The following GYS2 variants were observed in gnomAD, a reference collection of about 807,000 sequenced individuals.
GYS2 encodes glycogen synthase 2, also known as glycogen [starch] synthase, liver.
In GYS2, 80 loss-of-function variants were observed where a neutral mutation model predicts 85.6. The observed-to-expected ratio is 0.93, with a 90% CI of 0.78 to 1.13. GYS2 has a LOEUF of 1.13. Ranked by LOEUF, GYS2 falls within the 50% of genes most tolerant of loss-of-function variation. GYS2 has a pLI of 0.00. For synonymous variants in GYS2, 328 were observed against 300.7 expected (o/e 1.09, Z -0.94); for missense variants, 881 against 854.9 (o/e 1.03, Z -0.38).
intron 9 of GYS2, 152 bp from the exon 10 acceptor site, chr12:21,559,321 T>TTTA: frequency 1.7e-6 from 1 of 584,238 alleles, no homozygotes; most frequent in South Asian, 2.5e-5. Flanking sequence ...AGACTTAATA[T>TTTA]TTAAGTACAT....
chr12:21,548,420 G>A (rs1417800215), intron 11 of GYS2, among the ~76,000 whole-genome samples: 1 of 152,096 alleles, frequency 6.6e-6, no homozygotes, highest in African/African-American at 2.4e-5. Flanking sequence ...TTTGCACCAC[G>A]AAGATCTGAC....
chr12:21,542,805 G>A (rs556321405), intron 12 of GYS2, among the ~76,000 whole-genome samples: 2 of 152,324 alleles, frequency 1.3e-5, no homozygotes, highest in South Asian at 4.1e-4. Flanking sequence ...TACAGCTGAA[G>A]AAATGAGGCA....
In GYS2 at chr12:21,591,315, A is replaced by T. The variant is rs138109356; in HGVS notation, c.122-10792T>A. On this transcript the variant is annotated intron_variant, in intron 1 of 15. Transcript: ENST00000261195. ...GATACAACAAGAATGAACCAAACAG[A>T]AATTCTGTAACTGAAGAGTTTATTG... is the stretch of plus-strand genomic sequence containing the variant. 1.1e-3 allele frequency among the ~76,000 whole-genome samples: 168 copies of T among 152,234 alleles called. 5 individuals carry two copies. Among genetic ancestry groups the T allele is most frequent in the African/African-American group, 3.9e-3 (161 of 41,544 alleles).
Position 21,540,440 on chromosome 12 carries a change from T to G in GYS2, c.1779A>C (p.Ser593=). ...CTAAGTATCTCCAATCCAGAAGATC[T>G]GAGAGCCTCTCAGTTCTGTTCCTCT... The part of the protein sequence containing the change: ...IIQRNRTERL[S]DLLDWRYLGR... The change falls in exon 14 of 16, where the codon TCA becomes TCC. Residue 593 remains serine (S), a synonymous_variant. Transcript: ENST00000261195. 1 of 1,614,094 alleles carries G rather than the reference T, an allele frequency of 6.2e-7. No homozygotes were observed. Among genetic ancestry groups the G allele is most frequent in the Non-Finnish European group, 8.5e-7 (1 of 1,179,960 alleles).
intron 1 of GYS2, among the ~76,000 whole-genome samples, chr12:21,602,565 G>A (rs1016368567): frequency 6.6e-6 from 1 of 151,932 alleles, no homozygotes; most frequent in Non-Finnish European, 1.5e-5. Flanking sequence ...AAGATACATT[G>A]AAGATGATAT....
At chr12:21,537,357 T>G (rs1010580639) in intron 15 of GYS2, 182 bp from the exon 16 acceptor site, 1 of 628,706 alleles carries the variant, frequency 1.6e-6, no homozygotes, top group Non-Finnish European at 2.8e-6. Context: ...TCATTCAATA[T>G]ATAGCTATTC....
intron 7 of GYS2, among the ~76,000 whole-genome samples, chr12:21,561,971 A>G (rs1326622143): frequency 6.6e-5 from 10 of 152,168 alleles, no homozygotes; most frequent in African/African-American, 2.4e-4. Context: ...TAAGATTGAA[A>G]TTCTACACTC....
chr12:21,568,744 G>A (rs1944351948), intron 5 of GYS2, 121 bp downstream of exon 5: 2 of 830,302 alleles, frequency 2.4e-6, no homozygotes, highest in East Asian at 2.4e-5. Context: ...TACATAAAAA[G>A]AGCTGCGTGG....
intron 14 of GYS2, among the ~76,000 whole-genome samples, chr12:21,539,743 A>G (rs1943950645): frequency 6.6e-6 from 1 of 152,224 alleles, no homozygotes; most frequent in African/African-American, 2.4e-5. Flanking sequence ...AGCCTAGTGT[A>G]TCTATCTTCA....
At position 21,604,532 on chromosome 12, in the gene GYS2, C is replaced by T. The variant is rs1409001505; in HGVS notation, c.61G>A (p.Glu21Lys). ...AGTAACTCCTCCACAGGAAGTTCTTCGACTTCCCACTGGGGAAGCCCACCC... is the reference window on the plus strand; with the variant it reads ...AGTAACTCCTCCACAGGAAGTTCTTTGACTTCCCACTGGGGAAGCCCACCC... The part of the protein sequence containing the change: ...SLGGLPQWEV[E>K]ELPVEELLLF... The change falls in exon 1 of 16, where the codon GAA (glutamate) becomes AAA (lysine). Residue 21 changes from glutamate (E) to lysine (K), a missense_variant. Physicochemically the swap from Glu to Lys is moderately conservative, Grantham distance 56. Coordinates refer to ENST00000261195, the MANE Select transcript of GYS2 (RefSeq NM_021957.4). 6.2e-7 allele frequency: 1 copy of T among 1,612,446 alleles called. No individual in the cohort carries two copies. Among genetic ancestry groups the T allele is most frequent in the Non-Finnish European group, 8.5e-7 (1 of 1,178,692 alleles).
At chr12:21,568,685 T>G (rs997439548) in intron 5 of GYS2, among the ~76,000 whole-genome samples, 180 bp downstream of exon 5, 1 of 152,194 alleles carries the variant, frequency 6.6e-6, no homozygotes, top group African/African-American at 2.4e-5. Context: ...GTTCCAGATA[T>G]AGCTTTGAGT....
intron 2 of GYS2, among the ~76,000 whole-genome samples, chr12:21,578,773 C>A (rs1342348733): frequency 6.6e-6 from 1 of 152,018 alleles, no homozygotes; most frequent in African/African-American, 2.4e-5. Flanking sequence ...ATCTTGTCCC[C>A]TTCCCCATTC....
At chr12:21,538,889 C>A (rs1943940049) in intron 15 of GYS2, among the ~76,000 whole-genome samples, 1 of 152,188 alleles carries the variant, frequency 6.6e-6, no homozygotes. Context: ...TGAACTTACT[C>A]TATTTTACTC....
chr12:21,537,599 C>T (rs368698874), intron 15 of GYS2, among the ~76,000 whole-genome samples: 5 of 152,162 alleles, frequency 3.3e-5, no homozygotes, highest in African/African-American at 9.7e-5. Context: ...ACTGCTGATA[C>T]TGTTAGTCTC....
At chr12:21,572,640 C>A (rs1944399708) in intron 4 of GYS2, among the ~76,000 whole-genome samples, 1 of 152,026 alleles carries the variant, frequency 6.6e-6, no homozygotes, top group Non-Finnish European at 1.5e-5. Flanking sequence ...GTATCTCAAC[C>A]AGTGAAGGGC....
chr12:21,586,029 T>C (rs1944568944), intron 1 of GYS2, among the ~76,000 whole-genome samples: 1 of 152,172 alleles, frequency 6.6e-6, no homozygotes, highest in Admixed American at 6.5e-5. Flanking sequence ...ATACTGAGTG[T>C]CAACTTGATT....
intron 4 of GYS2, among the ~76,000 whole-genome samples, chr12:21,572,751 T>C (rs905599333): frequency 3.9e-5 from 6 of 152,226 alleles, no homozygotes; most frequent in Non-Finnish European, 5.9e-5. Flanking sequence ...TATACTATAA[T>C]GCATTTCTTC....
rs559124786 is a variant in GYS2 at position 21,572,200 on chromosome 12, T to G, written c.678+1944A>C. ...TTAAATAATGAATTTTACTAAAAACTTAAACCAGCGTTAGAGTTTTTGTAA... is the reference window on the plus strand; with the variant it reads ...TTAAATAATGAATTTTACTAAAAACGTAAACCAGCGTTAGAGTTTTTGTAA... On this transcript the variant is annotated intron_variant, in intron 4 of 15. Coordinates refer to ENST00000261195, the MANE Select transcript of GYS2 (RefSeq NM_021957.4). Among the ~76,000 whole-genome samples, 5 of 152,336 alleles carry G rather than the reference T, an allele frequency of 3.3e-5. No homozygotes were observed. The South Asian group carries it at 1.0e-3, about 32-fold the overall frequency.
At chr12:21,590,861 GAC>G (rs1944630894) in intron 1 of GYS2, among the ~76,000 whole-genome samples, 1 of 152,008 alleles carries the variant, frequency 6.6e-6, no homozygotes, top group Non-Finnish European at 1.5e-5. Context: ...AAAAATCACA[GAC>G]ACTGATGATA....
Sources: gnomAD v4.1 joint callset for allele counts (sites outside exome capture counted in the v4.1 genomes callset) on GRCh38, gnomAD v4.1.1 for gene constraint, MANE v1.5 for transcripts, NCBI Gene and HGNC (gene_info 2026-07-23, HGNC 2026-07-21) for gene names.